CWC27: variants seen among roughly 807,000 people sequenced by gnomAD.
CWC27 encodes CWC27 spliceosome associated cyclophilin, also known as spliceosome-associated protein CWC27 homolog.
CWC27 carries 47 observed loss-of-function variants against 63.6 expected under a neutral mutation model. The observed-to-expected ratio is 0.74, with a 90% CI of 0.58 to 0.94. The LOEUF (loss-of-function observed/expected upper bound fraction) is 0.94, where lower values mean the gene tolerates loss of function less well. CWC27 is among the 40% of genes least tolerant of loss of function. CWC27 has a pLI of 0.00. For missense variants in CWC27, 495 were observed against 554.3 expected (o/e 0.89, Z 1.07); for synonymous variants, 175 against 179.8 (o/e 0.97, Z 0.22).
At position 65,004,187 on chromosome 5, in the gene CWC27, G is replaced by C. The variant is rs1749785059; in HGVS notation, c.1257-13972G>C. ...CAGTTTGATTATAATGTGGCTTTTA[G>C]GGTTGAATGTATGTCGCACTCCTTG... On this transcript the variant is annotated intron_variant, in intron 13 of 13. Transcript: ENST00000381070. 2.0e-5 allele frequency among the ~76,000 whole-genome samples: 3 copies of C among 152,040 alleles called. No homozygotes were observed. In the South Asian group the frequency reaches 6.2e-4, roughly 32 times the overall value.
At chr5:64,895,247 A>T (rs1167116349) in intron 11 of CWC27, among the ~76,000 whole-genome samples, 1 of 152,158 alleles carries the variant, frequency 6.6e-6, no homozygotes, top group Admixed American at 6.5e-5. Flanking sequence ...AGAGAAAAAT[A>T]TGAACAGCAT....
intron 11 of CWC27, among the ~76,000 whole-genome samples, chr5:64,895,131 G>A (rs1747338616): frequency 6.6e-6 from 1 of 152,110 alleles, no homozygotes; most frequent in Non-Finnish European, 1.5e-5. Flanking sequence ...AAATCTTCCA[G>A]CCAAGAATTT....
chr5:64,943,956 A>G (rs535788542), intron 11 of CWC27, among the ~76,000 whole-genome samples: 121 of 152,262 alleles, frequency 7.9e-4, no homozygotes, highest in African/African-American at 2.9e-3. Flanking sequence ...ACTCACCTGC[A>G]TCTGTGCCAT....
In CWC27 at chr5:64,920,388, G is replaced by A. The variant is rs139708897; in HGVS notation, c.1042+34842G>A. On this transcript the variant is annotated intron_variant, in intron 11 of 13. Transcript: ENST00000381070. ...ATTTGGTTTGCTAGTATTTTGTTGAGGATTTTTACATCCATGTTTATCAGG... is the reference window on the plus strand; with the variant it reads ...ATTTGGTTTGCTAGTATTTTGTTGAAGATTTTTACATCCATGTTTATCAGG... 2.3e-3 allele frequency among the ~76,000 whole-genome samples: 356 copies of A among 152,240 alleles called. 1 individual carries two copies. The highest frequency in any genetic ancestry group is 8.3e-3 in the African/African-American group (343 of 41,520).
In CWC27 at chr5:64,857,993, C is replaced by G. The variant is rs1363914394; in HGVS notation, c.939-27450C>G. ...TCTACTAAAAATACAAAAAAATTAG[C>G]CGGGCGTGGTAGCGGGCGCCTGTAG... On this transcript the variant is annotated intron_variant, in intron 10 of 13. Coordinates refer to ENST00000381070, the MANE Select transcript of CWC27 (RefSeq NM_005869.4). 4.2e-5 allele frequency among the ~76,000 whole-genome samples: 6 copies of G among 141,592 alleles called. No homozygotes were observed. The South Asian group carries it at 1.1e-3, about 27-fold the overall frequency. 92.9% of individuals were successfully genotyped at this position (141,592 alleles called of 152,430 possible). A position where few individuals can be genotyped will look rare whatever the true frequency, so the allele number is the denominator to read the frequency against.
At chr5:64,984,827 G>A (rs115127463) in intron 13 of CWC27, among the ~76,000 whole-genome samples, 4,714 of 152,110 alleles carry the variant, frequency 0.031, 197 homozygotes, top group African/African-American at 0.088. Flanking sequence ...TCCTTTTACA[G>A]GTTATGCTTT....
intron 13 of CWC27, among the ~76,000 whole-genome samples, chr5:65,010,344 GT>G (rs1749927092): frequency 2.0e-5 from 3 of 152,148 alleles, no homozygotes; most frequent in Non-Finnish European, 4.4e-5. Flanking sequence ...CTTGAAAATT[GT>G]TTGGTCTTGC....
chr5:64,940,684 AT>A (rs1748455753), intron 11 of CWC27, among the ~76,000 whole-genome samples: 1 of 151,892 alleles, frequency 6.6e-6, no homozygotes, highest in Non-Finnish European at 1.5e-5. Flanking sequence ...TTTGTTCTCC[AT>A]TTATTTATTA....
chr5:64,804,180 G>A, intron 9 of CWC27, 49 bp from the exon 10 acceptor site: 1 of 1,522,020 alleles, frequency 6.6e-7, no homozygotes, highest in Non-Finnish European at 8.9e-7. Context: ...CTCTAGAAAT[G>A]AAAGGGGAAA....
intron 3 of CWC27, among the ~76,000 whole-genome samples, chr5:64,783,126 A>C (rs1276156587): frequency 6.6e-6 from 1 of 152,208 alleles, no homozygotes; most frequent in African/African-American, 2.4e-5. Context: ...TTATTAAGGA[A>C]AAATATCTTC....
At chr5:64,944,951 C>A (rs925484695) in intron 11 of CWC27, among the ~76,000 whole-genome samples, 1 of 152,092 alleles carries the variant, frequency 6.6e-6, no homozygotes, top group Admixed American at 6.6e-5. Context: ...ACTCTCTCCC[C>A]TTCTGTTTAC....
At chr5:64,918,150 A>T (rs1747927004) in intron 11 of CWC27, among the ~76,000 whole-genome samples, 1 of 152,230 alleles carries the variant, frequency 6.6e-6, no homozygotes, top group Admixed American at 6.5e-5. Context: ...AAAATATATT[A>T]AATCAATAAT....
At chr5:64,892,776 T>C (rs1393978964) in intron 11 of CWC27, among the ~76,000 whole-genome samples, 1 of 152,100 alleles carries the variant, frequency 6.6e-6, no homozygotes, top group Non-Finnish European at 1.5e-5. Context: ...ATTTCAGCTC[T>C]GGGGTTTAGA....
At chr5:64,806,512 A>G (rs1212739111) in intron 10 of CWC27, among the ~76,000 whole-genome samples, 3 of 152,012 alleles carry the variant, frequency 2.0e-5, no homozygotes, top group Non-Finnish European at 4.4e-5. Flanking sequence ...CACATTCTCT[A>G]CTCTCCCTCC....
chr5:65,002,057 C>CT lies in CWC27; in HGVS notation c.1257-16101dup, dbSNP rs1342944235. The stretch of plus-strand genomic sequence containing the variant: ...TTCAATCTCCAGAGGTTGTATGTGT[C>CT]TAAGAATTTATTCATATTTTCTGTA... On this transcript the variant is annotated intron_variant, in intron 13 of 13. Coordinates refer to ENST00000381070, the MANE Select transcript of CWC27 (RefSeq NM_005869.4). 3.3e-5 allele frequency among the ~76,000 whole-genome samples: 5 copies of CT among 152,078 alleles called. No homozygotes were observed. In the East Asian group the frequency reaches 9.6e-4, roughly 29 times the overall value.
chr5:64,830,679 T>C lies in CWC27; in HGVS notation c.938+26293T>C, dbSNP rs560376852. Among the ~76,000 whole-genome samples, 7 of 152,310 alleles carry C rather than the reference T, an allele frequency of 4.6e-5. No homozygotes were observed. The East Asian group carries it at 1.4e-3, about 29-fold the overall frequency. On this transcript the variant is annotated intron_variant, in intron 10 of 13. Transcript: ENST00000381070. ...AGAAAATTTTTACAATCTACCCATC[T>C]GACAAAGGGCTAATATCCAGAATCT... is the stretch of plus-strand genomic sequence containing the variant.
chr5:64,850,096 CA>C (rs926775730), intron 10 of CWC27, among the ~76,000 whole-genome samples: 20 of 151,792 alleles, frequency 1.3e-4, no homozygotes, highest in African/African-American at 4.4e-4. Flanking sequence ...AACACACACA[CA>C]AAAATCCCTT....
At chr5:64,895,694 T>A (rs1343283453) in intron 11 of CWC27, among the ~76,000 whole-genome samples, 5 of 152,164 alleles carry the variant, frequency 3.3e-5, no homozygotes, top group Non-Finnish European at 5.9e-5. Flanking sequence ...AGTAAGTGTG[T>A]GTAATATATT....
chr5:64,840,425 A>G (rs1745801026), intron 10 of CWC27, among the ~76,000 whole-genome samples: 1 of 117,206 alleles, frequency 8.5e-6, no homozygotes, highest in Non-Finnish European at 1.8e-5. Flanking sequence ...ATATATATAT[A>G]TATATACTTA....
Sources: gnomAD v4.1 joint callset for allele counts (sites outside exome capture counted in the v4.1 genomes callset) on GRCh38, gnomAD v4.1.1 for gene constraint, MANE v1.5 for transcripts, NCBI Gene and HGNC (gene_info 2026-07-23, HGNC 2026-07-21) for gene names.